The following CLIP4 variants were observed in gnomAD, a reference collection of about 807,000 sequenced individuals.
CLIP4 encodes CAP-Gly domain containing linker protein family member 4.
A neutral mutation model predicts 73.1 loss-of-function variants in CLIP4; 47 were observed. The ratio of observed to expected loss-of-function variants is 0.64; its 90% CI spans 0.51 to 0.82. The LOEUF (loss-of-function observed/expected upper bound fraction) is 0.82, where lower values mean the gene tolerates loss of function less well. CLIP4 is among the 40% of genes least tolerant of loss of function. The pLI is 0.00. For synonymous variants in CLIP4, 306 were observed against 295.4 expected, an observed-to-expected ratio of 1.04 and a Z score of -0.37; for missense variants, 874 against 852.9, an observed-to-expected ratio of 1.02 and a Z score of -0.31.
In CLIP4 at chr2:29,145,167, C is replaced by T. The variant is rs889802156; in HGVS notation, c.886-65C>T. 76 of 1,415,126 alleles carry T rather than the reference C, an allele frequency of 5.4e-5. 1 individual carries two copies. The highest frequency in any genetic ancestry group is 8.8e-5 in the Admixed American group (4 of 45,266). The allele number at this position is 1,415,126 out of a possible 1,614,324, so 87.7% of individuals were successfully genotyped here. A position where few individuals can be genotyped will look rare whatever the true frequency, so the allele number is the denominator to read the frequency against. On this transcript the variant is annotated intron_variant, in intron 7 of 15. Transcript: ENST00000320081. ...AAACTCCCATGGTGAAGTAAAGTTG[C>T]AAGAGTAGGACCCTTGGAATTACTA... is the stretch of plus-strand genomic sequence containing the variant.
rs1292162844 is a variant in CLIP4, at chr2:29,160,470, A to G, written c.1534+3A>G. The G allele has an allele frequency of 6.2e-7, 1 of 1,614,002 alleles. No individual in the cohort carries two copies. The highest frequency in any genetic ancestry group is 1.3e-5 in the African/African-American group (1 of 75,062). ...TGGGACAACAAACTTCGCTCCAGGTAACTCATCTGCATATTTTCTTAACTT... is the reference window on the plus strand; with the variant it reads ...TGGGACAACAAACTTCGCTCCAGGTGACTCATCTGCATATTTTCTTAACTT... On this transcript the variant is annotated splice_donor_region_variant and intron_variant, in intron 12 of 15. Coordinates refer to ENST00000320081, the MANE Select transcript of CLIP4 (RefSeq NM_024692.6).
At chr2:29,158,814 A>G (rs893930505) in intron 11 of CLIP4, among the ~76,000 whole-genome samples, 1 of 152,220 alleles carries the variant, frequency 6.6e-6, no homozygotes, top group Non-Finnish European at 1.5e-5. Context: ...TGTGTCGCCC[A>G]GGCTGGGGTG....
At chr2:29,135,336 T>TAAA (rs1665275175) in intron 5 of CLIP4, among the ~76,000 whole-genome samples, 1 of 152,218 alleles carries the variant, frequency 6.6e-6, no homozygotes, top group Non-Finnish European at 1.5e-5. Context: ...TCACTCCATC[T>TAAA]TATAATGAAT....
intron 1 of CLIP4, among the ~76,000 whole-genome samples, chr2:29,107,358 G>GTTTGT (rs1668239838): frequency 1.5e-5 from 1 of 65,360 alleles, no homozygotes; most frequent in East Asian, 6.0e-4. Flanking sequence ...GAACATGATA[G>GTTTGT]TTTTTTTTTT....
At chr2:29,154,397 G>A (rs561604112) in intron 9 of CLIP4, among the ~76,000 whole-genome samples, 1 of 152,246 alleles carries the variant, frequency 6.6e-6, no homozygotes, top group African/African-American at 2.4e-5. Context: ...GTATGGATGG[G>A]CAGCTGTGAA....
At chr2:29,174,794 T>A in intron 15 of CLIP4, 1 of 490,102 alleles carries the variant, frequency 2.0e-6, no homozygotes, top group Non-Finnish European at 2.7e-6. Flanking sequence ...ATATTGTCAG[T>A]GATACATGAA....
chr2:29,127,046 A>G (rs1664653423), intron 2 of CLIP4, among the ~76,000 whole-genome samples: 1 of 152,150 alleles, frequency 6.6e-6, no homozygotes, highest in African/African-American at 2.4e-5. Flanking sequence ...AAAGATAATC[A>G]CAGGCTAATT....
intron 6 of CLIP4, among the ~76,000 whole-genome samples, chr2:29,141,873 A>C (rs1665793372): frequency 6.6e-6 from 1 of 152,020 alleles, no homozygotes; most frequent in Non-Finnish European, 1.5e-5. Flanking sequence ...GTTGCTTTGT[A>C]GCCTTGATTG....
rs184957524 is a variant in CLIP4 at position 29,161,220 on chromosome 2, C to T, written c.1534+753C>T. Among the ~76,000 whole-genome samples, 614 of 152,266 alleles carry T rather than the reference C, an allele frequency of 4.0e-3. 8 individuals are homozygous for T. The highest frequency in any genetic ancestry group is 0.014 in the African/African-American group (568 of 41,550). On this transcript the variant is annotated intron_variant, in intron 12 of 15. Coordinates refer to ENST00000320081, the MANE Select transcript of CLIP4 (RefSeq NM_024692.6). ...AACTCCCAAACTCAGGTGATCTGCC[C>T]GCCTTGGCCTCCCAAAGTGCTGGGA... is the stretch of plus-strand genomic sequence containing the variant.
chr2:29,153,902 A>C (rs1425950894), intron 9 of CLIP4, among the ~76,000 whole-genome samples: 1 of 152,214 alleles, frequency 6.6e-6, no homozygotes, highest in Non-Finnish European at 1.5e-5. Flanking sequence ...TGGGGCTTTT[A>C]TAAATCACCC....
At chr2:29,144,344 TG>T (rs1665998181) in intron 7 of CLIP4, among the ~76,000 whole-genome samples, 1 of 152,148 alleles carries the variant, frequency 6.6e-6, no homozygotes, top group South Asian at 2.1e-4. Flanking sequence ...TGTTTGTCTT[TG>T]GGTTCCCACA....
At chr2:29,163,061 C>A (rs368943856) in intron 12 of CLIP4, among the ~76,000 whole-genome samples, 1 of 151,976 alleles carries the variant, frequency 6.6e-6, no homozygotes, top group East Asian at 1.9e-4. Flanking sequence ...GAGGCACCCT[C>A]AATTAGAAAA....
upstream of CLIP4, among the ~76,000 whole-genome samples, chr2:29,114,561 G>T (rs949252639): frequency 2.0e-5 from 3 of 152,174 alleles, no homozygotes; most frequent in African/African-American, 7.2e-5. Flanking sequence ...TGCTTGGTGG[G>T]AAGACACTGT....
chr2:29,109,951 G>C (rs911241718), intron 1 of CLIP4, among the ~76,000 whole-genome samples: 4 of 152,032 alleles, frequency 2.6e-5, no homozygotes, highest in African/African-American at 9.7e-5. Flanking sequence ...CCAGCTACTC[G>C]GTAGGCTGAG....
upstream of CLIP4, chr2:29,115,278 G>T (rs965407009): frequency 2.0e-5 from 3 of 152,298 alleles, no homozygotes; most frequent in Non-Finnish European, 4.4e-5. The surrounding 1 kb of genome is among the most constrained non-coding windows in gnomAD (Gnocchi z 5.1). Flanking sequence ...CTTCGCGGCG[G>T]GGGAGGTAAC....
In CLIP4 at chr2:29,163,863, C is replaced by T; in HGVS notation, c.1567C>T (p.His523Tyr). 1 of 1,613,542 alleles carries T rather than the reference C, an allele frequency of 6.2e-7. No homozygotes were observed. The highest frequency in any genetic ancestry group is 8.5e-7 in the Non-Finnish European group (1 of 1,179,610). The change falls in exon 13 of 16, where the codon CAT (histidine) becomes TAT (tyrosine). Residue 523 changes from histidine (H) to tyrosine (Y), a missense_variant. Coordinates refer to ENST00000320081, the MANE Select transcript of CLIP4 (RefSeq NM_024692.6). ...GTATGGTATAGAGCTTGAAAAACCC[C>T]ATGGCAAGAATGATGGTTCAGTTGG... ...YWYGIELEKPHGKNDGSVGGV... is the reference protein window; with the variant it reads ...YWYGIELEKPYGKNDGSVGGV...
chr2:29,132,468 C>T (rs1665046127), intron 4 of CLIP4: 2 of 524,304 alleles, frequency 3.8e-6, no homozygotes, highest in East Asian at 3.1e-5. Context: ...TGGATCAGGC[C>T]TCATGCCTGA....
chr2:29,172,599 G>T (rs1022962492), intron 14 of CLIP4, among the ~76,000 whole-genome samples: 1 of 151,950 alleles, frequency 6.6e-6, no homozygotes, highest in Non-Finnish European at 1.5e-5. Flanking sequence ...GGATTTTTCT[G>T]TATCTGGGAG....
In CLIP4 at chr2:29,121,370, A is replaced by C; in HGVS notation, c.-15-4A>C. ...AAACACTTTTTTTTTCTTTCTTATT[A>C]TAGGTGGCTTTCTAGAAGATGACCA... On this transcript the variant is annotated splice_polypyrimidine_tract_variant and splice_region_variant and intron_variant, in intron 1 of 15. Coordinates refer to ENST00000320081, the MANE Select transcript of CLIP4 (RefSeq NM_024692.6). 6.3e-7 allele frequency: 1 copy of C among 1,593,060 alleles called. No homozygotes were observed. The highest frequency in any genetic ancestry group is 8.5e-7 in the Non-Finnish European group (1 of 1,173,914).
Sources: gnomAD v4.1 joint callset for allele counts (sites outside exome capture counted in the v4.1 genomes callset) on GRCh38, gnomAD v4.1.1 for gene constraint, Gnocchi (gnomAD v3.1) non-coding constraint, MANE v1.5 for transcripts, NCBI Gene and HGNC (gene_info 2026-07-23, HGNC 2026-07-21) for gene names.